NIBAN3: variants seen among roughly 807,000 people sequenced by gnomAD.
NIBAN3 encodes the protein protein Niban 3.
A neutral mutation model predicts 76.4 loss-of-function variants in NIBAN3; 66 were observed. The ratio of observed to expected loss-of-function variants is 0.86; its 90% CI spans 0.71 to 1.06. The LOEUF is 1.06. NIBAN3 is among the 50% of genes least tolerant of loss of function. NIBAN3 has a pLI of 0.00. For missense variants in NIBAN3, 808 were observed against 810.7 expected, an observed-to-expected ratio of 1.00 and a Z score of 0.04; for synonymous variants, 360 against 355.2, an observed-to-expected ratio of 1.01 and a Z score of -0.15.
chr19:17,528,369 G>A (rs547192626), intron 1 of NIBAN3, among the ~76,000 whole-genome samples: 8 of 152,166 alleles, frequency 5.3e-5, no homozygotes, highest in African/African-American at 1.9e-4. Context: ...TGGGATTACA[G>A]GTGTGAGCCA....
chr19:17,526,431 C>T (rs1436959047), upstream of NIBAN3, among the ~76,000 whole-genome samples: 1 of 151,616 alleles, frequency 6.6e-6, no homozygotes, highest in Non-Finnish European at 1.5e-5. Flanking sequence ...TCACTTGAGT[C>T]CAGAAGTTTG....
At chr19:17,527,170 G>A (rs1420633500), upstream of NIBAN3, 6 of 1,508,172 alleles carry the variant, frequency 4.0e-6, no homozygotes, top group African/African-American at 4.2e-5. Context: ...TGGGCAACAC[G>A]GGCCCCAGGG....
chr19:17,553,716 A>G (rs552672982), downstream of NIBAN3: 206 of 712,006 alleles, frequency 2.9e-4, no homozygotes, highest in Non-Finnish European at 4.3e-4. Flanking sequence ...CAGCTACAAG[A>G]ATTTGTCATC....
chr19:17,524,437 C>G (rs761200182), upstream of NIBAN3, among the ~76,000 whole-genome samples: 16 of 127,090 alleles, frequency 1.3e-4, no homozygotes, highest in Non-Finnish European at 1.8e-4. Context: ...AGGCGCCCAC[C>G]ACAACGCCCG....
Position 17,552,953 on chromosome 19 carries a change from T to A in NIBAN3, c.*1055T>A, listed in dbSNP as rs1364800047. 8.3e-6 allele frequency: 1 copy of A among 119,998 alleles called. No homozygotes were observed. Among genetic ancestry groups the A allele is most frequent in the African/African-American group, 3.2e-5 (1 of 30,898 alleles). 7.4% of individuals were successfully genotyped at this position (119,998 alleles called of 1,614,324 possible). A position where few individuals can be genotyped will look rare whatever the true frequency, so the allele number is the denominator to read the frequency against. The stretch of plus-strand genomic sequence containing the variant: ...ATAAATAAATAAATAAATAAATAAA[T>A]AAAATTTAAAAGAAGCTGGGCTGAG... On this transcript the variant is annotated 3_prime_UTR_variant, in exon 15 of 15. Transcript: ENST00000599164.
In NIBAN3 at chr19:17,539,548, AC is replaced by A. The variant is rs374426376; in HGVS notation, c.817-50del. The stretch of plus-strand genomic sequence containing the variant: ...CCTAAACCCTCTCCCGATCTCTCTG[AC>A]CCCCATCCCCGCCCCGTGTCTCGGC... On this transcript the variant is annotated intron_variant, in intron 7 of 14. Coordinates refer to ENST00000599164, the MANE Select transcript of NIBAN3 (RefSeq NM_001321827.2). The A allele has an allele frequency of 2.7e-4, 402 of 1,475,820 alleles. 5 individuals carry two copies. In the East Asian group the frequency reaches 9.5e-3, roughly 35 times the overall value. 91.4% of individuals were successfully genotyped at this position (1,475,820 alleles called of 1,614,324 possible).
chr19:17,529,398 C>A (rs920807630), intron 1 of NIBAN3, among the ~76,000 whole-genome samples: 1 of 152,108 alleles, frequency 6.6e-6, no homozygotes, highest in Non-Finnish European at 1.5e-5. Flanking sequence ...GTGTGGATTC[C>A]TGTGCCCAAG....
At chr19:17,538,281 T>C (rs1289844872) in intron 5 of NIBAN3, among the ~76,000 whole-genome samples, 1 of 151,674 alleles carries the variant, frequency 6.6e-6, no homozygotes, top group African/African-American at 2.4e-5. Context: ...CCGAGCGTGG[T>C]GGCAGGCGCC....
At chr19:17,554,791 AAAAG>A (rs1179776384), downstream of NIBAN3, among the ~76,000 whole-genome samples, 10 of 76,884 alleles carry the variant, frequency 1.3e-4, no homozygotes, top group South Asian at 3.5e-3. Flanking sequence ...AAAAAAAAAA[AAAAG>A]AAAATAATAA....
At chr19:17,525,438 A>C (rs976012825), upstream of NIBAN3, among the ~76,000 whole-genome samples, 1 of 152,172 alleles carries the variant, frequency 6.6e-6, no homozygotes, top group African/African-American at 2.4e-5. Flanking sequence ...AAAACAGGTG[A>C]AGGGGTGGAG....
At position 17,552,070 on chromosome 19, in the gene NIBAN3, C is replaced by A; in HGVS notation, c.*172C>A. 2 of 395,196 alleles carry A rather than the reference C, an allele frequency of 5.1e-6. No individual in the cohort carries two copies. The highest frequency in any genetic ancestry group is 9.0e-6 in the Non-Finnish European group (2 of 223,334). 24.5% of individuals were successfully genotyped at this position (395,196 alleles called of 1,614,324 possible). On this transcript the variant is annotated 3_prime_UTR_variant, in exon 15 of 15. Transcript: ENST00000599164. ...ATTTGTGTATTTTCCCCAAGGCTTT[C>A]TTTATTTTAATTTTTTTTTTTTTTT...
intron 13 of NIBAN3, 76 bp from the exon 14 acceptor site, chr19:17,549,368 C>A: frequency 9.9e-7 from 1 of 1,014,826 alleles, no homozygotes; most frequent in Non-Finnish European, 1.5e-6. Context: ...CATTTGTAGT[C>A]TCTCTGGGAA....
chr19:17,549,806 A>ATCTC (rs144647053), intron 14 of NIBAN3: 3 of 373,320 alleles, frequency 8.0e-6, no homozygotes, highest in East Asian at 7.4e-5. Flanking sequence ...TTTGTGTCCC[A>ATCTC]TCTCTCTCTC....
At chr19:17,524,295 C>CT (rs796113660), upstream of NIBAN3, among the ~76,000 whole-genome samples, 322 of 150,814 alleles carry the variant, frequency 2.1e-3, 2 homozygotes, top group African/African-American at 7.0e-3. Flanking sequence ...TTTCTTTTTT[C>CT]TTTTTTTTGA....
rs143116331 is a variant in NIBAN3, at chr19:17,551,300, G to T, written c.1751-486G>T. Among the ~76,000 whole-genome samples, 1,363 of 150,462 alleles carry T rather than the reference G, an allele frequency of 9.1e-3. 15 individuals are homozygous for T. Among genetic ancestry groups the T allele is most frequent in the Non-Finnish European group, 0.011 (761 of 67,750 alleles). On this transcript the variant is annotated intron_variant, in intron 14 of 14. Coordinates refer to ENST00000599164, the MANE Select transcript of NIBAN3 (RefSeq NM_001321827.2). ...AGTAGACATGGGGTTTCACCATGTC[G>T]GCCAGGCTGATTTTGAACTCCTGAC...
At chr19:17,523,464 G>T, upstream of NIBAN3, 1 of 1,563,372 alleles carries the variant, frequency 6.4e-7, no homozygotes, top group East Asian at 2.3e-5. Flanking sequence ...AAGGAGGTTG[G>T]TAAACAGCAA....
chr19:17,544,473 A>C (rs1403356316), intron 12 of NIBAN3, among the ~76,000 whole-genome samples: 2 of 150,812 alleles, frequency 1.3e-5, no homozygotes, highest in Non-Finnish European at 3.0e-5. Flanking sequence ...CAGTGGAGGG[A>C]GGAGGTGGAT....
Position 17,539,666 on chromosome 19 carries a change from C to T in NIBAN3, c.880C>T (p.Pro294Ser). 6.4e-7 allele frequency: 1 copy of T among 1,563,624 alleles called. No homozygotes were observed. Among genetic ancestry groups the T allele is most frequent in the Non-Finnish European group, 8.7e-7 (1 of 1,154,160 alleles). ...GASAGLCAFQ[P>S]EKDELLASLE... ...CTCCGCCGGGCTCTGCGCCTTCCAG[C>T]CCGAAAAGGACGAGCTGCTTGCGTC... Residue 294 changes from proline to serine, a missense_variant, in exon 8 of 15, where the codon CCC (proline) becomes TCC (serine). By Grantham distance (74) the Pro-to-Ser change is moderately conservative. Coordinates refer to ENST00000599164, the MANE Select transcript of NIBAN3 (RefSeq NM_001321827.2).
chr19:17,525,594 G>A (rs776709926), upstream of NIBAN3, among the ~76,000 whole-genome samples: 3 of 152,160 alleles, frequency 2.0e-5, no homozygotes, highest in East Asian at 1.9e-4. Context: ...TGCAGGAGGC[G>A]GGAGCAAGAG....
Sources: allele counts gnomAD v4.1 joint callset (sites outside exome capture counted in the v4.1 genomes callset), GRCh38; gene constraint gnomAD v4.1.1; transcripts MANE v1.5; gene names NCBI Gene and HGNC (gene_info 2026-07-23, HGNC 2026-07-21).